KCNH8: variants seen among roughly 807,000 people sequenced by gnomAD.
KCNH8 encodes the protein potassium voltage-gated channel subfamily H member 8, also known as voltage-gated delayed rectifier potassium channel KCNH8.
KCNH8 carries 70 observed loss-of-function variants against 103.6 expected under a neutral mutation model. The observed-to-expected ratio is 0.68, with a 90% CI of 0.56 to 0.82. The LOEUF (loss-of-function observed/expected upper bound fraction) is 0.82. Among genes scored for constraint, KCNH8 ranks in the 40% least tolerant of loss-of-function variants. The pLI is 0.00. For missense variants in KCNH8, 1,217 were observed against 1,329.9 expected (o/e 0.92, Z 1.32); for synonymous variants, 498 against 489.4 (o/e 1.02, Z -0.23).
chr3:19,415,404 C>CT (rs36068858), intron 7 of KCNH8, among the ~76,000 whole-genome samples: 9,064 of 120,722 alleles, frequency 0.075, 353 homozygotes, highest in African/African-American at 0.092. Context: ...TCTCAATGAG[C>CT]TTTTTTTTTT....
intron 15 of KCNH8, among the ~76,000 whole-genome samples, chr3:19,523,517 C>T (rs762116797): frequency 6.6e-6 from 1 of 151,884 alleles, no homozygotes; most frequent in Non-Finnish European, 1.5e-5. Context: ...ATTTATTTCT[C>T]GTTCAAGCAA....
At chr3:19,269,447 G>T (rs1035836421) in intron 2 of KCNH8, among the ~76,000 whole-genome samples, 14 of 152,044 alleles carry the variant, frequency 9.2e-5, no homozygotes, top group African/African-American at 3.4e-4. Flanking sequence ...ATTAAAAGGA[G>T]AAACATTAAA....
chr3:19,217,180 A>C (rs2063826325), intron 1 of KCNH8, among the ~76,000 whole-genome samples: 1 of 152,154 alleles, frequency 6.6e-6, no homozygotes, highest in Non-Finnish European at 1.5e-5. Flanking sequence ...GTTGAGGAGA[A>C]AGCCGTCTGC....
intron 15 of KCNH8, among the ~76,000 whole-genome samples, chr3:19,524,064 G>A (rs1362938600): frequency 6.6e-6 from 1 of 151,820 alleles, no homozygotes; most frequent in African/African-American, 2.4e-5. Flanking sequence ...GCCTACAGAA[G>A]AAACAGGATA....
At position 19,456,766 on chromosome 3, in the gene KCNH8, A is replaced by G. The variant is rs1037557506; in HGVS notation, c.1826-2A>G. 1.9e-6 allele frequency: 3 copies of G among 1,589,968 alleles called. No homozygotes were observed. Among genetic ancestry groups the G allele is most frequent in the Non-Finnish European group, 8.6e-7 (1 of 1,160,480 alleles). ...GAAAATGATCTCTCTCTCTCTTTCTAGGGAAAGGGGATTTAATTGGAGCAA... is the reference window on the plus strand; with the variant it reads ...GAAAATGATCTCTCTCTCTCTTTCTGGGGAAAGGGGATTTAATTGGAGCAA... On this transcript the variant is annotated splice_acceptor_variant, in intron 10 of 15. Transcript: ENST00000328405. LOFTEE classifies it high-confidence loss of function.
intron 11 of KCNH8, among the ~76,000 whole-genome samples, chr3:19,499,124 C>A (rs1470099794): frequency 2.0e-5 from 3 of 152,004 alleles, no homozygotes; most frequent in African/African-American, 7.3e-5. Context: ...AACCAAGGCT[C>A]GAGAACTACG....
chr3:19,535,115 A>G lies in KCNH8; in HGVS notation c.*1016A>G, dbSNP rs754562380. On this transcript the variant is annotated 3_prime_UTR_variant, in exon 16 of 16. Transcript: ENST00000328405. ...TCGTATTTTGTTGCTCAAGAATCCA[A>G]AATGGGTCTGTGGACATAGGGCAAT... The G allele has an allele frequency of 3.9e-5, 6 of 152,156 alleles. No individual in the cohort carries two copies. The highest frequency in any genetic ancestry group is 7.3e-5 in the Non-Finnish European group (5 of 68,030). The allele number at this position is 152,156 out of a possible 1,614,324, so 9.4% of individuals were successfully genotyped here.
intron 2 of KCNH8, among the ~76,000 whole-genome samples, chr3:19,270,287 A>T (rs2064569902): frequency 6.6e-6 from 1 of 152,188 alleles, no homozygotes; most frequent in Non-Finnish European, 1.5e-5. Context: ...ACCTTTGAAG[A>T]TGAATAACCA....
At chr3:19,159,887 T>C (rs1030392252) in intron 1 of KCNH8, among the ~76,000 whole-genome samples, 1 of 152,054 alleles carries the variant, frequency 6.6e-6, no homozygotes, top group African/African-American at 2.4e-5. Flanking sequence ...GTGGAGTCAG[T>C]TGGAAATATG....
intron 15 of KCNH8, 137 bp from the exon 16 acceptor site, chr3:19,533,258 G>T: frequency 1.6e-6 from 1 of 619,684 alleles, no homozygotes; most frequent in South Asian, 2.3e-5. Flanking sequence ...CCAAGCAAAT[G>T]CTAAAATGTT....
intron 5 of KCNH8, among the ~76,000 whole-genome samples, chr3:19,373,150 C>G (rs926729955): frequency 6.6e-6 from 1 of 151,772 alleles, no homozygotes; most frequent in African/African-American, 2.4e-5. Flanking sequence ...AGGATTCCCT[C>G]CTTTTCTGTT....
intron 1 of KCNH8, among the ~76,000 whole-genome samples, chr3:19,220,281 C>T (rs964139788): frequency 5.3e-5 from 8 of 152,316 alleles, no homozygotes; most frequent in African/African-American, 1.9e-4. Flanking sequence ...TCTCAGAGCT[C>T]AGCCCACACA....
chr3:19,225,079 AG>A (rs2063915592), intron 1 of KCNH8, among the ~76,000 whole-genome samples: 1 of 152,240 alleles, frequency 6.6e-6, no homozygotes, highest in East Asian at 1.9e-4. Flanking sequence ...ATTAGGACAA[AG>A]GCTGTAGTCA....
intron 15 of KCNH8, among the ~76,000 whole-genome samples, chr3:19,531,976 T>C (rs1045310678): frequency 6.6e-6 from 1 of 152,226 alleles, no homozygotes; most frequent in African/African-American, 2.4e-5. Context: ...CATTACATTA[T>C]GTTAGTATTA....
At chr3:19,425,755 C>T (rs1193870595) in intron 7 of KCNH8, among the ~76,000 whole-genome samples, 1 of 152,150 alleles carries the variant, frequency 6.6e-6, no homozygotes. Flanking sequence ...GTATTCAGTT[C>T]AGTTCTAGTA....
chr3:19,388,764 T>A (rs2066393663), intron 5 of KCNH8, among the ~76,000 whole-genome samples: 1 of 152,108 alleles, frequency 6.6e-6, no homozygotes, highest in Admixed American at 6.6e-5. Context: ...TCTGTGAAGG[T>A]ACCAAACCCA....
chr3:19,236,666 A>G (rs1273993735), intron 1 of KCNH8, among the ~76,000 whole-genome samples: 1 of 152,248 alleles, frequency 6.6e-6, no homozygotes, highest in Admixed American at 6.5e-5. Context: ...GAAACAAAGC[A>G]TAAAATTATT....
rs1041473434 is a variant in KCNH8, at chr3:19,534,323, A to C, written c.*224A>C. On this transcript the variant is annotated 3_prime_UTR_variant, in exon 16 of 16. Transcript: ENST00000328405. ...CATTTTTCTGTACAGGTATTAAACT[A>C]CTGGTCTGTTTGACAGACTTTGGTA... The C allele has an allele frequency of 5.5e-6, 3 of 548,844 alleles. No homozygotes were observed. In the African/African-American group the frequency reaches 5.7e-5, roughly 10 times the overall value. 34.0% of individuals were successfully genotyped at this position (548,844 alleles called of 1,614,324 possible).
chr3:19,394,460 A>G, intron 6 of KCNH8, among the ~76,000 whole-genome samples: 1 of 151,162 alleles, frequency 6.6e-6, no homozygotes, highest in East Asian at 1.9e-4. Flanking sequence ...TTCCCTAAGC[A>G]TGTCTGAGAG....
Sources: allele counts gnomAD v4.1 joint callset (sites outside exome capture counted in the v4.1 genomes callset), GRCh38; gene constraint gnomAD v4.1.1; transcripts MANE v1.5; gene names NCBI Gene and HGNC (gene_info 2026-07-23, HGNC 2026-07-21).